The following GFRA2 variants were observed in gnomAD, a reference collection of about 807,000 sequenced individuals.
GFRA2 encodes GDNF family receptor alpha-2.
Under a neutral mutation model 48.3 loss-of-function variants are expected in GFRA2, and 17 were observed. The observed-to-expected ratio is 0.35, with a 90% CI of 0.24 to 0.53. The LOEUF (loss-of-function observed/expected upper bound fraction) is 0.53. Ranked by LOEUF, GFRA2 falls within the 20% of genes least tolerant of loss-of-function variation. The pLI is 0.93. For missense variants in GFRA2, 660 were observed against 637.3 expected (o/e 1.04, Z -0.38); for synonymous variants, 305 against 257.2 (o/e 1.19, Z -1.78).
At chr8:21,724,943 C>T (rs1322693385) in intron 4 of GFRA2, among the ~76,000 whole-genome samples, 1 of 152,156 alleles carries the variant, frequency 6.6e-6, no homozygotes, top group Non-Finnish European at 1.5e-5. Context: ...TCCTCTAGTT[C>T]CTGGACACTG....
chr8:21,750,849 C>A lies in GFRA2; in HGVS notation c.533G>T (p.Arg178Leu). The A allele has an allele frequency of 6.2e-7, 1 of 1,613,892 alleles. No individual in the cohort carries two copies. The highest frequency in any genetic ancestry group is 8.5e-7 in the Non-Finnish European group (1 of 1,179,864). ...CNLNDNCKKL[R>L]SSYISICNRE... ...GTTGCAGATGGAGATGTAGGAGGAG[C>A]GCAGCTTCTTGCAGTTGTCATTCAG... Residue 178 changes from arginine (R) to leucine (L), a missense_variant, in exon 4 of 9, where the codon CGC becomes CTC. Physicochemically the swap from Arg to Leu is moderately radical, Grantham distance 102. Transcript: ENST00000524240. This position sits in a 1 kb window ranked among gnomAD's most constrained non-coding sequence, Gnocchi z 5.7.
intron 1 of GFRA2, among the ~76,000 whole-genome samples, chr8:21,808,849 T>C (rs1807924012): frequency 6.6e-6 from 1 of 152,250 alleles, no homozygotes; most frequent in Non-Finnish European, 1.5e-5. Flanking sequence ...TGGAAATATA[T>C]CTATTATCAC....
In GFRA2 at chr8:21,788,473, T is replaced by G. The variant is rs2117095243; in HGVS notation, c.-314A>C. On this transcript the variant is annotated 5_prime_UTR_variant, in exon 1 of 9. Coordinates refer to ENST00000524240, the MANE Select transcript of GFRA2 (RefSeq NM_001495.5). ...TCCTGGGGTCAGCCCTCCCCTCCAA[T>G]CGTCCGGGAAGGCGTGAGTCCCCGC... 1 of 1,103,684 alleles carries G rather than the reference T, an allele frequency of 9.1e-7. No individual in the cohort carries two copies. 68.4% of individuals were successfully genotyped at this position (1,103,684 alleles called of 1,614,324 possible). A position where few individuals can be genotyped will look rare whatever the true frequency, so the allele number is the denominator to read the frequency against.
chr8:21,727,902 A>C (rs1455747692), intron 4 of GFRA2, among the ~76,000 whole-genome samples: 1 of 152,208 alleles, frequency 6.6e-6, no homozygotes, highest in East Asian at 1.9e-4. Flanking sequence ...TATTAAAACA[A>C]AAGTGTGTAG....
At chr8:21,698,042 C>T (rs1320711221) in intron 7 of GFRA2, among the ~76,000 whole-genome samples, 5 of 152,174 alleles carry the variant, frequency 3.3e-5, no homozygotes, top group African/African-American at 1.2e-4. Flanking sequence ...CAGACGAATA[C>T]ACAGAGGGGA....
intron 7 of GFRA2, among the ~76,000 whole-genome samples, chr8:21,695,988 G>C (rs1184825722): frequency 2.0e-5 from 3 of 151,966 alleles, no homozygotes; most frequent in Non-Finnish European, 4.4e-5. Flanking sequence ...GGGAGTCCAT[G>C]TCTTATCCCT....
chr8:21,750,960 G>C lies in GFRA2; in HGVS notation c.440-18C>G. 1 of 1,543,010 alleles carries C rather than the reference G, an allele frequency of 6.5e-7. No individual in the cohort carries two copies. Among genetic ancestry groups the C allele is most frequent in the Non-Finnish European group, 8.9e-7 (1 of 1,122,850 alleles). On this transcript the variant is annotated intron_variant, in intron 3 of 8. Transcript: ENST00000524240. This position sits in a 1 kb window ranked among gnomAD's most constrained non-coding sequence, Gnocchi z 5.7. ...CCCTGTCCCTGGAGGAGGAACAAGA[G>C]AGCAGGTCAGAGGCCACACAAGCAT...
intron 2 of GFRA2, among the ~76,000 whole-genome samples, chr8:21,800,707 T>A (rs1156482605): frequency 1.3e-5 from 2 of 152,184 alleles, no homozygotes; most frequent in South Asian, 2.1e-4. Context: ...GGAGGATGGC[T>A]TGAGCCCAGG....
At chr8:21,775,491 C>T (rs1020192492) in intron 2 of GFRA2, among the ~76,000 whole-genome samples, 21 of 152,144 alleles carry the variant, frequency 1.4e-4, no homozygotes, top group African/African-American at 3.6e-4. Flanking sequence ...TGAGGTGGCC[C>T]GGAGAGGTGA....
chr8:21,724,810 C>T (rs1305626504), intron 4 of GFRA2, among the ~76,000 whole-genome samples: 1 of 152,180 alleles, frequency 6.6e-6, no homozygotes, highest in Non-Finnish European at 1.5e-5. Flanking sequence ...AAGGCCCACC[C>T]CTAGGCTCAA....
At chr8:21,724,597 TC>T (rs1803767333) in intron 4 of GFRA2, among the ~76,000 whole-genome samples, 1 of 152,072 alleles carries the variant, frequency 6.6e-6, no homozygotes, top group South Asian at 2.1e-4. Context: ...GAATGGCAAT[TC>T]GAGACCAGAT....
chr8:21,777,292 G>T (rs1163191147), intron 2 of GFRA2, among the ~76,000 whole-genome samples: 1 of 151,932 alleles, frequency 6.6e-6, no homozygotes, highest in Non-Finnish European at 1.5e-5. Flanking sequence ...CCCAAGATCA[G>T]TCTTCTGTCC....
chr8:21,722,895 C>G (rs1344750420), intron 4 of GFRA2, among the ~76,000 whole-genome samples: 3 of 152,194 alleles, frequency 2.0e-5, no homozygotes, highest in Admixed American at 6.5e-5. Context: ...TTACACAGAG[C>G]TACAGTCTTG....
rs1801868864 is a variant in GFRA2, at chr8:21,691,114, T to C, written c.*2164A>G. 1 of 152,172 alleles carries C rather than the reference T, an allele frequency of 6.6e-6. No individual in the cohort carries two copies. The highest frequency in any genetic ancestry group is 2.1e-4 in the South Asian group (1 of 4,822). The allele number at this position is 152,172 out of a possible 1,614,324, so 9.4% of individuals were successfully genotyped here. ...ATTGAGGGGACCTGCGATTGGGAGA[T>C]GGGAAAACTGCATCCTATTGTCCAG... On this transcript the variant is annotated 3_prime_UTR_variant, in exon 9 of 9. Transcript: ENST00000524240.
intron 3 of GFRA2, among the ~76,000 whole-genome samples, chr8:21,751,649 A>C (rs1805299656): frequency 6.6e-6 from 1 of 152,126 alleles, no homozygotes; most frequent in Non-Finnish European, 1.5e-5. Flanking sequence ...TTTCCTGAGC[A>C]CCACTCTCTC....
rs115221425 is a variant in GFRA2 at position 21,750,002 on chromosome 8, G to A, written c.794+586C>T. Among the ~76,000 whole-genome samples, 1,376 of 151,862 alleles carry A rather than the reference G, an allele frequency of 9.1e-3. 17 individuals carry two copies. Among genetic ancestry groups the A allele is most frequent in the African/African-American group, 0.031 (1,295 of 41,382 alleles). ...CATTATTAGGAAGGTAGTTTTGGGG[G>A]GTATGCATGGTTATACTGAGCTGAA... On this transcript the variant is annotated intron_variant, in intron 4 of 8. Coordinates refer to ENST00000524240, the MANE Select transcript of GFRA2 (RefSeq NM_001495.5). The surrounding 1 kb of genome is among the most constrained non-coding windows in gnomAD (Gnocchi z 5.7).
upstream of GFRA2, among the ~76,000 whole-genome samples, chr8:21,790,824 T>C (rs1807557963): frequency 6.6e-6 from 1 of 152,194 alleles, no homozygotes; most frequent in Non-Finnish European, 1.5e-5. Flanking sequence ...TCTTGGCTTT[T>C]TTTCCAAAAA....
At chr8:21,697,733 G>C (rs977399952) in intron 7 of GFRA2, among the ~76,000 whole-genome samples, 1 of 152,192 alleles carries the variant, frequency 6.6e-6, no homozygotes, top group Non-Finnish European at 1.5e-5. Context: ...TTGTGGGAGG[G>C]AACCAGTGGG....
At chr8:21,694,055 T>TTATTTATTTATATATATATA (rs1802022376) in intron 8 of GFRA2, among the ~76,000 whole-genome samples, 1 of 77,466 alleles carries the variant, frequency 1.3e-5, no homozygotes, top group African/African-American at 4.8e-5. Context: ...ATATATATAT[T>TTATTTATTTATATATATATA]TATATATATA....
Sources: gnomAD v4.1 joint callset for allele counts (sites outside exome capture counted in the v4.1 genomes callset) on GRCh38, gnomAD v4.1.1 for gene constraint, Gnocchi (gnomAD v3.1) non-coding constraint, MANE v1.5 for transcripts, NCBI Gene and HGNC (gene_info 2026-07-23, HGNC 2026-07-21) for gene names.